Variants in PHTF2 observed in about 807,000 individuals in gnomAD.
The protein encoded by PHTF2 is protein PHTF2.
In PHTF2, 60 loss-of-function variants were observed where a neutral mutation model predicts 101.2. The ratio of observed to expected loss-of-function variants is 0.59; its 90% CI spans 0.48 to 0.73. PHTF2 has a LOEUF of 0.73. Ranked by LOEUF, PHTF2 falls within the 30% of genes least tolerant of loss-of-function variation. The pLI is 0.00. For missense variants in PHTF2, 747 were observed against 908.7 expected (o/e 0.82, Z 2.29); for synonymous variants, 311 against 307.3 (o/e 1.01, Z -0.13).
At chr7:77,949,890 A>G in intron 17 of PHTF2, 57 bp downstream of exon 16, 1 of 922,858 alleles carries the variant, frequency 1.1e-6, no homozygotes, top group Non-Finnish European at 1.6e-6. Flanking sequence ...AAATGTTTTC[A>G]TTTCCTTTAT....
chr7:77,873,744 G>C (rs1207093060), intron 3 of PHTF2, among the ~76,000 whole-genome samples: 1 of 152,154 alleles, frequency 6.6e-6, no homozygotes, highest in Admixed American at 6.5e-5. Flanking sequence ...TCAGTGTCCT[G>C]CCTCATCAGG....
intron 5 of PHTF2, among the ~76,000 whole-genome samples, chr7:77,898,808 T>C (rs1232551554): frequency 6.6e-6 from 1 of 152,098 alleles, no homozygotes; most frequent in East Asian, 1.9e-4. Context: ...TATTTTATTT[T>C]ATATTGTTTG....
At chr7:77,949,571 T>C in intron 16 of PHTF2, 107 bp from the exon 16 acceptor site, 3 of 627,918 alleles carry the variant, frequency 4.8e-6, no homozygotes, top group Non-Finnish European at 8.1e-6. Context: ...ATGTAGAATG[T>C]TTCTAAAATG....
chr7:77,892,282 T>G (rs891484239), intron 3 of PHTF2, among the ~76,000 whole-genome samples: 6 of 152,246 alleles, frequency 3.9e-5, no homozygotes, highest in Admixed American at 3.3e-4. Context: ...AGAGCGAGAC[T>G]CTATCTCAAA....
At chr7:77,874,878 G>A (rs1207968609) in intron 3 of PHTF2, among the ~76,000 whole-genome samples, 1 of 152,144 alleles carries the variant, frequency 6.6e-6, no homozygotes, top group African/African-American at 2.4e-5. Context: ...TGAAGAGACT[G>A]TCTTTTCCCC....
intron 11 of PHTF2, 41 bp downstream of exon 10, chr7:77,922,819 T>G (rs1363437918): frequency 7.5e-7 from 1 of 1,331,532 alleles, no homozygotes; most frequent in Non-Finnish European, 1.0e-6. Flanking sequence ...CGTATCTATT[T>G]TATATGTTAC....
intron 1 of PHTF2, among the ~76,000 whole-genome samples, chr7:77,830,918 A>G (rs1188615386): frequency 6.6e-6 from 1 of 152,246 alleles, no homozygotes; most frequent in Non-Finnish European, 1.5e-5. Flanking sequence ...TTAAGCCCAC[A>G]AGCTAACCTT....
chr7:77,880,146 A>G (rs1799286165), intron 3 of PHTF2, among the ~76,000 whole-genome samples: 2 of 152,184 alleles, frequency 1.3e-5, no homozygotes, highest in African/African-American at 4.8e-5. Context: ...AACCAAAAGT[A>G]TGTTCTCACA....
chr7:77,917,041 C>G (rs1341362656), intron 9 of PHTF2, among the ~76,000 whole-genome samples: 1 of 152,156 alleles, frequency 6.6e-6, no homozygotes, highest in African/African-American at 2.4e-5. Flanking sequence ...GGTTATTTTT[C>G]TAACTCCATC....
intron 1 of PHTF2, among the ~76,000 whole-genome samples, chr7:77,811,361 G>A (rs1205020055): frequency 1.3e-5 from 2 of 152,166 alleles, no homozygotes; most frequent in South Asian, 4.1e-4. Flanking sequence ...ACAAGGTAAA[G>A]TCACTCTTTT....
chr7:77,936,041 C>T (rs540745768), intron 12 of PHTF2, among the ~76,000 whole-genome samples: 3 of 152,270 alleles, frequency 2.0e-5, no homozygotes, highest in East Asian at 1.9e-4. Context: ...TAGCACTCTT[C>T]AGGACCTCAA....
In PHTF2 at chr7:77,862,057, C is replaced by CA. The variant is rs776337296; in HGVS notation, c.147+7237dup. On this transcript the variant is annotated intron_variant, in intron 3 of 19. Coordinates refer to ENST00000416283, the Ensembl canonical transcript of PHTF2. ...GGGCAACAAGAGCGAAACTCCATCT[C>CA]AAAAAAAAAAAAAAGAAGGAAAAAT... Among the ~76,000 whole-genome samples the CA allele has an allele frequency of 4.4e-3, 421 of 94,762 alleles. 1 individual carries two copies. The highest frequency in any genetic ancestry group is 8.8e-3 in the African/African-American group (195 of 22,264). 62.2% of individuals were successfully genotyped at this position (94,762 alleles called of 152,430 possible).
intron 8 of PHTF2, chr7:77,909,480 C>G (rs1320924382): frequency 1.3e-5 from 2 of 152,030 alleles, no homozygotes; most frequent in African/African-American, 2.4e-5. Flanking sequence ...CTCACCTCAT[C>G]CTCCTGAGTA....
intron 2 of PHTF2, among the ~76,000 whole-genome samples, chr7:77,850,360 CAAA>C (rs71082789): frequency 0.06 from 2,639 of 44,120 alleles, 88 homozygotes; most frequent in African/African-American, 0.16. Flanking sequence ...GACCTTGTCT[CAAA>C]AAAAAAAAAA....
intron 3 of PHTF2, among the ~76,000 whole-genome samples, chr7:77,868,851 CTT>C (rs952988701): frequency 1.3e-5 from 2 of 152,130 alleles, no homozygotes; most frequent in Admixed American, 6.5e-5. Context: ...ATAATGTTGA[CTT>C]TTAAATGATT....
chr7:77,921,310 T>A (rs1803438113), intron 10 of PHTF2, among the ~76,000 whole-genome samples: 1 of 152,238 alleles, frequency 6.6e-6, no homozygotes, highest in Non-Finnish European at 1.5e-5. Flanking sequence ...CTGGTTTTAT[T>A]GTAACAAAGC....
At chr7:77,905,597 C>G (rs1801782806) in intron 7 of PHTF2, among the ~76,000 whole-genome samples, 1 of 151,928 alleles carries the variant, frequency 6.6e-6, no homozygotes, top group African/African-American at 2.4e-5. Context: ...CTCCAAGGCT[C>G]AATCATTCCT....
At chr7:77,867,995 A>G (rs1217386667) in intron 3 of PHTF2, among the ~76,000 whole-genome samples, 1 of 152,220 alleles carries the variant, frequency 6.6e-6, no homozygotes, top group Non-Finnish European at 1.5e-5. Context: ...GTTAATACAG[A>G]TGAGAGGATA....
chr7:77,910,782 C>G (rs975997891), intron 9 of PHTF2, among the ~76,000 whole-genome samples: 1 of 152,090 alleles, frequency 6.6e-6, no homozygotes, highest in East Asian at 1.9e-4. Context: ...GCTGGGCTTA[C>G]AGGCACGTGC....
Sources: allele counts gnomAD v4.1 joint callset (sites outside exome capture counted in the v4.1 genomes callset), GRCh38; gene constraint gnomAD v4.1.1; transcripts MANE v1.5; gene names NCBI Gene and HGNC (gene_info 2026-07-23, HGNC 2026-07-21).